Variants in HERC2 observed in about 807,000 individuals in gnomAD.
HERC2 encodes the protein HECT and RLD domain containing E3 ubiquitin protein ligase 2.
Under a neutral mutation model 537.7 loss-of-function variants are expected in HERC2, and 102 were observed. The observed-to-expected ratio is 0.19, with a 90% CI of 0.16 to 0.22. The LOEUF (loss-of-function observed/expected upper bound fraction) is 0.22. Among genes scored for constraint, HERC2 ranks in the 10% least tolerant of loss-of-function variants. HERC2 has a pLI of 1.00. For synonymous variants in HERC2, 2,224 were observed against 2,466.2 expected, an observed-to-expected ratio of 0.90 and a Z score of 2.91; for missense variants, 4,236 against 6,198.2, an observed-to-expected ratio of 0.68 and a Z score of 10.63.
At chr15:28,241,827 AT>A (rs762252584) in intron 23 of HERC2, among the ~76,000 whole-genome samples, 5 of 152,334 alleles carry the variant, frequency 3.3e-5, no homozygotes, top group Non-Finnish European at 5.9e-5. Flanking sequence ...CTCAAAAAAA[AT>A]AAACAAATAA....
intron 86 of HERC2, among the ~76,000 whole-genome samples, chr15:28,121,062 G>A (rs1888832585): frequency 6.6e-6 from 1 of 152,222 alleles, no homozygotes; most frequent in African/African-American, 2.4e-5. Context: ...TCATGCAGTG[G>A]GAAGAGGGCT....
At chr15:28,276,330 T>C (rs772981411) in intron 5 of HERC2, among the ~76,000 whole-genome samples, 2 of 151,190 alleles carry the variant, frequency 1.3e-5, no homozygotes, top group Non-Finnish European at 2.9e-5. Flanking sequence ...GCCTGAATAA[T>C]GCACCGGGAG....
chr15:28,236,347 G>A (rs1233356133), intron 26 of HERC2, among the ~76,000 whole-genome samples: 5 of 152,112 alleles, frequency 3.3e-5, no homozygotes, highest in Admixed American at 6.5e-5. Flanking sequence ...CTGGAGTGCA[G>A]TGGCGCGATC....
intron 4 of HERC2, among the ~76,000 whole-genome samples, chr15:28,292,148 G>A (rs1320807330): frequency 2.8e-5 from 4 of 140,820 alleles, no homozygotes; most frequent in Non-Finnish European, 6.0e-5. Flanking sequence ...AGAATCACTT[G>A]AACCTGGGAG....
chr15:28,147,606 C>T (rs1891894631), intron 70 of HERC2, among the ~76,000 whole-genome samples: 1 of 151,868 alleles, frequency 6.6e-6, no homozygotes, highest in Non-Finnish European at 1.5e-5. Context: ...TACCATACTC[C>T]AACCTGGGCG....
intron 69 of HERC2, among the ~76,000 whole-genome samples, chr15:28,155,504 C>T (rs989804612): frequency 6.6e-6 from 1 of 152,096 alleles, no homozygotes; most frequent in African/African-American, 2.4e-5. Context: ...ATTTGCATTT[C>T]TCTGATGGCC....
chr15:28,252,333 C>T (rs552453452), intron 20 of HERC2, among the ~76,000 whole-genome samples: 19 of 152,026 alleles, frequency 1.2e-4, no homozygotes, highest in Middle Eastern at 3.4e-3. Flanking sequence ...ACGGGCACTG[C>T]CCTCGTGAGA....
intron 74 of HERC2, among the ~76,000 whole-genome samples, chr15:28,143,189 C>T (rs1891398643): frequency 6.6e-6 from 1 of 152,100 alleles, no homozygotes. Flanking sequence ...TTCAGTACAT[C>T]CGCTTCCAGA....
Position 28,144,310 on chromosome 15 carries a change from A to G in HERC2, c.11141-75T>C, listed in dbSNP as rs532630471. 2.2e-5 allele frequency: 33 copies of G among 1,517,084 alleles called. No homozygotes were observed. The East Asian group carries it at 7.3e-4, about 33-fold the overall frequency. 94.0% of individuals were successfully genotyped at this position (1,517,084 alleles called of 1,614,324 possible). Reference sequence around the variant, plus strand: ...CCCCATAAGAAGCCGCCAACGAACAAGGGTGGCTCCACCCAGCCCCACCCA... The same window carrying G: ...CCCCATAAGAAGCCGCCAACGAACAGGGGTGGCTCCACCCAGCCCCACCCA... On this transcript the variant is annotated intron_variant, in intron 72 of 92. Coordinates refer to ENST00000261609, the MANE Select transcript of HERC2 (RefSeq NM_004667.6).
At chr15:28,123,015 G>C (rs1488325398) in intron 85 of HERC2, among the ~76,000 whole-genome samples, 3 of 152,052 alleles carry the variant, frequency 2.0e-5, no homozygotes, top group Non-Finnish European at 2.9e-5. Flanking sequence ...TTAATCGTTT[G>C]CTACTTTTTA....
Position 28,176,992 on chromosome 15 carries a change from C to T in HERC2, c.9390G>A (p.Arg3130=), listed in dbSNP as rs1450620314. The T allele has an allele frequency of 6.2e-7, 1 of 1,614,024 alleles. No homozygotes were observed. Among genetic ancestry groups the T allele is most frequent in the Non-Finnish European group, 8.5e-7 (1 of 1,179,946 alleles). Residue 3130 remains arginine (R), a synonymous_variant, in exon 61 of 93, where the codon CGG becomes CGA. Transcript: ENST00000261609. This position sits in a 1 kb window ranked among gnomAD's most constrained non-coding sequence, Gnocchi z 5.0. The stretch of plus-strand genomic sequence containing the variant: ...GTGTCGTATTATCCCCATGTCCCAG[C>T]CGGCCGTACTCGCCGAGGCCCCAGG... ...LYTWGLGEYG[R]LGHGDNTTQL...
chr15:28,251,269 C>T (rs1313085791), intron 20 of HERC2, among the ~76,000 whole-genome samples: 3 of 151,542 alleles, frequency 2.0e-5, no homozygotes, highest in African/African-American at 7.3e-5. Context: ...ATGGGGAAAC[C>T]CCATCTCTAC....
chr15:28,268,542 G>A lies in HERC2; in HGVS notation c.1521C>T (p.Tyr507=). The stretch of plus-strand genomic sequence containing the variant: ...CCTCTCCAGTAGCAGCCAAGGCTAG[G>A]TAGTGGTGACCATCAGAATGGGCAG... ...KIAAHSDGHH[Y]LALAATGEVY... Residue 507 remains tyrosine (Y), a synonymous_variant, in exon 12 of 93, where the codon TAC becomes TAT. Coordinates refer to ENST00000261609, the MANE Select transcript of HERC2 (RefSeq NM_004667.6). This position sits in a 1 kb window ranked among gnomAD's most constrained non-coding sequence, Gnocchi z 4.7. 2.5e-6 allele frequency: 4 copies of A among 1,614,116 alleles called. No homozygotes were observed. Among genetic ancestry groups the A allele is most frequent in the South Asian group, 2.2e-5 (2 of 91,088 alleles).
At chr15:28,203,955 G>A (rs1278948002) in intron 45 of HERC2, 1 of 151,904 alleles carries the variant, frequency 6.6e-6, no homozygotes, top group Non-Finnish European at 1.5e-5. Context: ...TTCCAGTGAC[G>A]CCCAGAAGAG....
In HERC2 at chr15:28,245,975, C is replaced by T; in HGVS notation, c.3483G>A (p.Leu1161=). 1 of 1,614,074 alleles carries T rather than the reference C, an allele frequency of 6.2e-7. No homozygotes were observed. Among genetic ancestry groups the T allele is most frequent in the South Asian group, 1.1e-5 (1 of 91,076 alleles). Residue 1161 remains leucine, a synonymous_variant, in exon 23 of 93, where the codon CTG becomes CTA. Coordinates refer to ENST00000261609, the MANE Select transcript of HERC2 (RefSeq NM_004667.6). ...LMQEAGAVPL[L]GGLLEHLDRF... is the part of the protein sequence containing the mutation. ...GATCCAGATGTTCCAACAGGCCACC[C>T]AGCAGAGGTACAGCTCCAGCCTCTT... is the stretch of plus-strand genomic sequence containing the variant.
Position 28,269,508 on chromosome 15 carries a change from C to G in HERC2, c.1258-72G>C, listed in dbSNP as rs1158554668. ...AAAAAAGGCTGGGAGTAACACTGAG[C>G]TACTACAAAATAAAAACAAAGCAAA... is the stretch of plus-strand genomic sequence containing the variant. On this transcript the variant is annotated intron_variant, in intron 10 of 92. Coordinates refer to ENST00000261609, the MANE Select transcript of HERC2 (RefSeq NM_004667.6). The G allele has an allele frequency of 4.2e-6, 5 of 1,195,726 alleles. No individual in the cohort carries two copies. The East Asian group carries it at 7.1e-5, about 17-fold the overall frequency. 74.1% of individuals were successfully genotyped at this position (1,195,726 alleles called of 1,614,324 possible). A position where few individuals can be genotyped will look rare whatever the true frequency, so the allele number is the denominator to read the frequency against.
At chr15:28,209,051 G>T (rs1350007015) in intron 44 of HERC2, among the ~76,000 whole-genome samples, 3 of 152,074 alleles carry the variant, frequency 2.0e-5, no homozygotes, top group Non-Finnish European at 4.4e-5. Flanking sequence ...GAAATATAAA[G>T]AAATAAAGAC....
chr15:28,115,492 G>T lies in HERC2; in HGVS notation c.13659C>A (p.Asn4553Lys). The T allele has an allele frequency of 6.2e-7, 1 of 1,614,022 alleles. No homozygotes were observed. Among genetic ancestry groups the T allele is most frequent in the African/African-American group, 1.3e-5 (1 of 75,034 alleles). ...GCTGCTTCCAGACAGGCTCGGCAAG[G>T]TTGAGGCTCAGGGGACTCCCGGTTC... ...AIRTGSPLSL[N>K]LAEPVWKQLA... is the part of the protein sequence containing the mutation. Residue 4553 changes from asparagine (N) to lysine (K), a missense_variant, in exon 89 of 93, where the codon AAC becomes AAA. Asn to Lys is a moderately conservative substitution (Grantham distance 94). Transcript: ENST00000261609.
chr15:28,123,898 T>G (rs1889193568), intron 85 of HERC2, 139 bp downstream of exon 85: 2 of 594,516 alleles, frequency 3.4e-6, no homozygotes, highest in East Asian at 3.3e-5. Context: ...GAACAGAGCC[T>G]GGCATGCAGG....
Sources: gnomAD v4.1 joint callset for allele counts (sites outside exome capture counted in the v4.1 genomes callset) on GRCh38, gnomAD v4.1.1 for gene constraint, Gnocchi (gnomAD v3.1) non-coding constraint, MANE v1.5 for transcripts, NCBI Gene and HGNC (gene_info 2026-07-23, HGNC 2026-07-21) for gene names.